Variants in RSPH14 observed in about 807,000 individuals in gnomAD.
RSPH14 encodes the protein rhabdoid tumor deletion region gene 1.
A neutral mutation model predicts 26.7 loss-of-function variants in RSPH14; 20 were observed. The ratio of observed to expected loss-of-function variants is 0.75; its 90% CI spans 0.53 to 1.09. The LOEUF (loss-of-function observed/expected upper bound fraction) is 1.09, where lower values mean the gene tolerates loss of function less well. RSPH14 is among the 50% of genes least tolerant of loss of function. RSPH14 has a pLI of 0.00. For synonymous variants in RSPH14, 177 were observed against 189.3 expected, an observed-to-expected ratio of 0.93 and a Z score of 0.53; for missense variants, 449 against 457.2, an observed-to-expected ratio of 0.98 and a Z score of 0.16.
intron 4 of RSPH14, among the ~76,000 whole-genome samples, chr22:23,100,167 C>G (rs2069254762): frequency 6.6e-6 from 1 of 152,248 alleles, no homozygotes; most frequent in Non-Finnish European, 1.5e-5. Context: ...CACAACTCTC[C>G]CAGCAGCACA....
chr22:23,167,520 G>C, the RSPH14 span, among the ~76,000 whole-genome samples: 1 of 152,064 alleles, frequency 6.6e-6, no homozygotes, highest in African/African-American at 2.4e-5. Flanking sequence ...GGATCCATTC[G>C]ACTCACATTT....
chr22:23,140,086 C>T (rs1051686932), intron 2 of RSPH14, 136 bp downstream of exon 2: 1 of 1,050,718 alleles, frequency 9.5e-7, no homozygotes, highest in Admixed American at 2.7e-5. Context: ...TAAAAAGAAC[C>T]CGGGCACCGC....
chr22:23,119,752 C>T lies in RSPH14; in HGVS notation c.421+14274G>A, dbSNP rs147885128. 5.3e-5 allele frequency among the ~76,000 whole-genome samples: 8 copies of T among 152,300 alleles called. No individual in the cohort carries two copies. In the East Asian group the frequency reaches 1.4e-3, roughly 26 times the overall value. ...CGCTCTGAAGCTTCCTGTCTGAGCC[C>T]GGAAGTGAGGTATGTGGTTGGTGCC... On this transcript the variant is annotated intron_variant, in intron 4 of 6. Transcript: ENST00000216036.
At chr22:23,104,870 ACAGT>A (rs1416579367) in intron 4 of RSPH14, among the ~76,000 whole-genome samples, 2 of 152,204 alleles carry the variant, frequency 1.3e-5, no homozygotes, top group African/African-American at 2.4e-5. Context: ...GATTGGAATG[ACAGT>A]CAGCTAGGGT....
At chr22:23,130,076 AAAGAAAGG>A (rs1343997726) in intron 4 of RSPH14, among the ~76,000 whole-genome samples, 437 of 31,200 alleles carry the variant, frequency 0.014, 14 homozygotes, top group African/African-American at 0.062. Flanking sequence ...AGAAAGAAAG[AAAGAAAGG>A]AAGAAAGAAA....
At chr22:23,127,263 C>T (rs765877446) in intron 4 of RSPH14, among the ~76,000 whole-genome samples, 1 of 152,210 alleles carries the variant, frequency 6.6e-6, no homozygotes, top group Non-Finnish European at 1.5e-5. Flanking sequence ...ATGAGCTCAC[C>T]TCACCCAGAT....
chr22:23,180,570 A>AGGCGGCGGCGGC, the RSPH14 span: 56 of 109,020 alleles, frequency 5.1e-4, no homozygotes, highest in African/African-American at 8.8e-4. Flanking sequence ...GCGTCCGAGG[A>AGGCGGCGGCGGC]GGCGGCGGCG....
chr22:23,137,571 G>GT (rs34504974), intron 3 of RSPH14, among the ~76,000 whole-genome samples: 32,564 of 151,648 alleles, frequency 0.21, 4,115 homozygotes, highest in Middle Eastern at 0.33. Context: ...CTTTCCTGCT[G>GT]TTTTTTTTCC....
At chr22:23,171,124 C>T in the RSPH14 span, among the ~76,000 whole-genome samples, 2 of 152,142 alleles carry the variant, frequency 1.3e-5, no homozygotes, top group East Asian at 3.9e-4. Flanking sequence ...TGCACCACCA[C>T]GCCCAGCCAA....
At chr22:23,065,775 C>T (rs2068197224) in intron 4 of RSPH14, among the ~76,000 whole-genome samples, 1 of 152,130 alleles carries the variant, frequency 6.6e-6, no homozygotes, top group Admixed American at 6.5e-5. Flanking sequence ...TGGCAAGAGT[C>T]TCCTGAATTC....
chr22:23,148,973 C>A (rs2070954520), upstream of RSPH14, among the ~76,000 whole-genome samples: 1 of 152,178 alleles, frequency 6.6e-6, no homozygotes, highest in South Asian at 2.1e-4. Context: ...TTATGAGCAT[C>A]CCTGTTTAAT....
chr22:23,073,731 C>T lies in RSPH14; in HGVS notation c.422-9598G>A, dbSNP rs765870151. Among the ~76,000 whole-genome samples the T allele has an allele frequency of 4.9e-4, 74 of 152,156 alleles. 1 individual carries two copies. Among genetic ancestry groups the T allele is most frequent in the Admixed American group, 1.6e-3 (25 of 15,272 alleles). On this transcript the variant is annotated intron_variant, in intron 4 of 6. Transcript: ENST00000216036. ...TGAGCCGGAGGAGCAGAACCTCACG[C>T]GATTCATCCATTCATTTGTTCAGCT...
At chr22:23,149,037 C>T (rs1293095013), upstream of RSPH14, among the ~76,000 whole-genome samples, 1 of 152,208 alleles carries the variant, frequency 6.6e-6, no homozygotes, top group Non-Finnish European at 1.5e-5. Context: ...TTGCCAGTCT[C>T]CTTTCACCAT....
intron 4 of RSPH14, among the ~76,000 whole-genome samples, chr22:23,109,252 GGCA>G (rs1311439554): frequency 6.6e-6 from 1 of 152,198 alleles, no homozygotes; most frequent in African/African-American, 2.4e-5. Flanking sequence ...AAGTGAGCCT[GGCA>G]GCAGAGCCGA....
At chr22:23,147,101 T>C (rs1393648180), upstream of RSPH14, among the ~76,000 whole-genome samples, 2 of 152,194 alleles carry the variant, frequency 1.3e-5, no homozygotes, top group Non-Finnish European at 2.9e-5. Flanking sequence ...CTCATCATCG[T>C]TGTTGTTATC....
intron 4 of RSPH14, among the ~76,000 whole-genome samples, chr22:23,122,073 G>C (rs968288678): frequency 6.6e-6 from 1 of 152,140 alleles, no homozygotes; most frequent in Admixed American, 6.6e-5. Context: ...AAGCCAGATT[G>C]GTTCCAGATT....
chr22:23,119,875 C>T (rs1032278328), intron 4 of RSPH14, among the ~76,000 whole-genome samples: 1 of 152,216 alleles, frequency 6.6e-6, no homozygotes, highest in Admixed American at 6.5e-5. Context: ...TTATTTGAGG[C>T]CCATCATCTC....
chr22:23,167,759 G>A, the RSPH14 span, among the ~76,000 whole-genome samples: 1 of 151,804 alleles, frequency 6.6e-6, no homozygotes. Flanking sequence ...TGTTGCCTGG[G>A]CTGGCCTCAA....
chr22:23,061,568 G>A lies in RSPH14; in HGVS notation c.790+241C>T, dbSNP rs145557639. ...CCAGGCCCAGGGAACAGACTGGTGC[G>A]AAGGCACAGAGGTCCTAATGTGAGT... On this transcript the variant is annotated intron_variant, in intron 6 of 6. Transcript: ENST00000216036. Among the ~76,000 whole-genome samples, 73 of 152,262 alleles carry A rather than the reference G, an allele frequency of 4.8e-4. No individual in the cohort carries two copies. In the East Asian group the frequency reaches 0.011, roughly 24 times the overall value.
Sources: allele counts gnomAD v4.1 joint callset (sites outside exome capture counted in the v4.1 genomes callset), GRCh38; gene constraint gnomAD v4.1.1; transcripts MANE v1.5; gene names NCBI Gene and HGNC (gene_info 2026-07-23, HGNC 2026-07-21).